Variants in RTTN observed in about 807,000 individuals in gnomAD.
The protein encoded by RTTN is rotatin.
A neutral mutation model predicts 269.2 loss-of-function variants in RTTN; 182 were observed. The ratio of observed to expected loss-of-function variants is 0.68; its 90% CI spans 0.60 to 0.76. The LOEUF (loss-of-function observed/expected upper bound fraction) is 0.76. Among genes scored for constraint, RTTN ranks in the 30% least tolerant of loss-of-function variants. The probability of loss-of-function intolerance (pLI) is 0.00; values close to 1 mark genes in which losing one functional copy is unlikely to be tolerated. For missense variants in RTTN, 2,545 were observed against 2,608.6 expected (o/e 0.98, Z 0.53); for synonymous variants, 1,006 against 963.5 (o/e 1.04, Z -0.82).
chr18:70,145,555 A>T, intron 18 of RTTN, 57 bp downstream of exon 18: 1 of 1,281,622 alleles, frequency 7.8e-7, no homozygotes, highest in Non-Finnish European at 1.1e-6. Context: ...CATAAAATAC[A>T]TGATATAAAA....
chr18:70,121,439 A>T (rs1599652931), intron 26 of RTTN, 117 bp downstream of exon 26: 7 of 809,484 alleles, frequency 8.6e-6, no homozygotes, highest in Non-Finnish European at 9.4e-6. Context: ...TTACATGAAG[A>T]CTACTTTACC....
chr18:70,091,277 A>G (rs1263372945), intron 30 of RTTN, among the ~76,000 whole-genome samples: 3 of 152,142 alleles, frequency 2.0e-5, no homozygotes, highest in Non-Finnish European at 4.4e-5. Flanking sequence ...CTATGAACTG[A>G]ATTGCGTCCC....
At chr18:70,163,657 C>T (rs1300589676) in intron 14 of RTTN, among the ~76,000 whole-genome samples, 1 of 152,064 alleles carries the variant, frequency 6.6e-6, no homozygotes, top group South Asian at 2.1e-4. Context: ...ATGCTTGGGA[C>T]CAGAAGTGTT....
At chr18:70,156,730 C>G (rs112623921) in intron 14 of RTTN, among the ~76,000 whole-genome samples, 6 of 152,276 alleles carry the variant, frequency 3.9e-5, no homozygotes, top group African/African-American at 1.4e-4. Context: ...ATTTCCCAAC[C>G]CAGCCGACAC....
chr18:70,055,608 C>A (rs1185269522), intron 37 of RTTN, among the ~76,000 whole-genome samples: 1 of 152,168 alleles, frequency 6.6e-6, no homozygotes, highest in East Asian at 1.9e-4. Flanking sequence ...CTTCATATTA[C>A]ATTCATACTC....
chr18:70,164,539 C>T (rs1448859944), intron 14 of RTTN, among the ~76,000 whole-genome samples: 2 of 92,594 alleles, frequency 2.2e-5, no homozygotes, highest in East Asian at 4.3e-4. Context: ...GTTATATATA[C>T]ATATCACCAT....
At chr18:70,092,625 C>G (rs376609891) in intron 29 of RTTN, 51 bp downstream of exon 29, 1 of 1,587,776 alleles carries the variant, frequency 6.3e-7, no homozygotes, top group Non-Finnish European at 8.6e-7. Context: ...GGACACAGCA[C>G]ATTCCCTTTC....
chr18:70,153,370 T>A (rs1220713855), intron 14 of RTTN, among the ~76,000 whole-genome samples: 1 of 152,128 alleles, frequency 6.6e-6, no homozygotes, highest in Non-Finnish European at 1.5e-5. Context: ...TACATCTCTC[T>A]CTGTCCCCTA....
chr18:70,043,126 C>A (rs757413011), intron 40 of RTTN, among the ~76,000 whole-genome samples: 17 of 152,342 alleles, frequency 1.1e-4, no homozygotes, highest in Middle Eastern at 6.8e-3. Flanking sequence ...GAAGAGATTT[C>A]TTCCAAAAGA....
At chr18:70,063,776 C>T (rs1382997862) in intron 35 of RTTN, among the ~76,000 whole-genome samples, 1 of 151,810 alleles carries the variant, frequency 6.6e-6, no homozygotes, top group Non-Finnish European at 1.5e-5. Context: ...TAAATTGATA[C>T]ATATTTTTTC....
chr18:70,189,920 T>C (rs1180624755), intron 9 of RTTN, among the ~76,000 whole-genome samples: 1 of 152,228 alleles, frequency 6.6e-6, no homozygotes, highest in Non-Finnish European at 1.5e-5. Flanking sequence ...AGTCAACCTC[T>C]TCAAATTTTC....
chr18:70,005,385 TA>T, intron 47 of RTTN, 118 bp from the exon 48 acceptor site: 1 of 603,564 alleles, frequency 1.7e-6, no homozygotes, highest in Non-Finnish European at 2.8e-6. Context: ...TATAATAATA[TA>T]ACTAGAGAGT....
chr18:70,058,135 AC>A (rs1182739302), intron 36 of RTTN, among the ~76,000 whole-genome samples: 8 of 152,236 alleles, frequency 5.3e-5, no homozygotes, highest in African/African-American at 1.9e-4. Context: ...GTAACAGGAA[AC>A]TTGGTGGTTA....
chr18:70,011,759 A>T (rs1220330903), intron 46 of RTTN, among the ~76,000 whole-genome samples: 1 of 39,908 alleles, frequency 2.5e-5, no homozygotes, highest in Non-Finnish European at 3.4e-4. Flanking sequence ...CAAGATAAAT[A>T]AATAAGGGTA....
rs781112075 is a variant in RTTN at position 70,051,439 on chromosome 18, G to A, written c.5295C>T (p.Ala1765=). The part of the protein sequence containing the change: ...GAITLPFVTV[A]LAKHWTAAID... ...TCGCCGCTGTCCAGTGCTTGGCCAG[G>A]GCCACGGTAACAAACGGGAGTGTGA... The change falls in exon 39 of 49, where the codon GCC becomes GCT. Residue 1765 remains alanine, a synonymous_variant. Coordinates refer to ENST00000640769, the MANE Select transcript of RTTN (RefSeq NM_173630.4). The A allele has an allele frequency of 6.2e-7, 1 of 1,613,786 alleles. No homozygotes were observed. The highest frequency in any genetic ancestry group is 1.1e-5 in the South Asian group (1 of 91,012).
intron 17 of RTTN, among the ~76,000 whole-genome samples, chr18:70,147,593 C>T (rs1000785420): frequency 1.3e-5 from 2 of 152,112 alleles, no homozygotes; most frequent in African/African-American, 4.8e-5. Flanking sequence ...GATTAGCCAA[C>T]GGACAGGGTT....
At chr18:70,051,280 C>T in intron 39 of RTTN, 131 bp downstream of exon 39, 2 of 1,054,074 alleles carry the variant, frequency 1.9e-6, no homozygotes, top group Non-Finnish European at 2.6e-6. Flanking sequence ...TCAAAGCAAG[C>T]ACCCTGATAC....
At chr18:70,115,665 GA>G (rs2059587058) in intron 26 of RTTN, among the ~76,000 whole-genome samples, 3 of 151,970 alleles carry the variant, frequency 2.0e-5, no homozygotes, top group Admixed American at 2.0e-4. Context: ...GGCAGAGCAA[GA>G]AGCATCTTAC....
chr18:70,024,822 G>T lies in RTTN; in HGVS notation c.5850C>A (p.Val1950=). The change falls in exon 44 of 49, where the codon GTC becomes GTA. Residue 1950 remains valine (V), a synonymous_variant. Coordinates refer to ENST00000640769, the MANE Select transcript of RTTN (RefSeq NM_173630.4). ...CKEAALEAHL[V]PVLHSLWPWI... is the part of the protein sequence containing the mutation. ...AAGGCCAGAGAGAGTGCAAGACAGG[G>T]ACAAGGTGAGCTTCAAGAGCTGCTT... is the stretch of plus-strand genomic sequence containing the variant. 6.2e-7 allele frequency: 1 copy of T among 1,613,904 alleles called. No individual in the cohort carries two copies. The highest frequency in any genetic ancestry group is 8.5e-7 in the Non-Finnish European group (1 of 1,179,884).
Sources: allele counts gnomAD v4.1 joint callset (sites outside exome capture counted in the v4.1 genomes callset), GRCh38; gene constraint gnomAD v4.1.1; transcripts MANE v1.5; gene names NCBI Gene and HGNC (gene_info 2026-07-23, HGNC 2026-07-21).